The following TMEM63A variants were observed in gnomAD, a reference collection of about 807,000 sequenced individuals.
TMEM63A encodes the protein transmembrane protein 63A, also known as mechanosensitive cation channel TMEM63A.
In TMEM63A, 76 loss-of-function variants were observed where a neutral mutation model predicts 100.6. The observed-to-expected ratio is 0.76, with a 90% CI of 0.63 to 0.91. The LOEUF (loss-of-function observed/expected upper bound fraction) is 0.91. Ranked by LOEUF, TMEM63A falls within the 40% of genes least tolerant of loss-of-function variation. The pLI is 0.00. For missense variants in TMEM63A, 876 were observed against 1,008.8 expected, an observed-to-expected ratio of 0.87 and a Z score of 1.78; for synonymous variants, 401 against 401.1, an observed-to-expected ratio of 1.00 and a Z score of 0.00.
In TMEM63A at chr1:225,867,772, C is replaced by T; in HGVS notation, c.514+116G>A. On this transcript the variant is annotated intron_variant, in intron 7 of 24. Coordinates refer to ENST00000366835, the MANE Select transcript of TMEM63A (RefSeq NM_014698.3). This position sits in a 1 kb window ranked among gnomAD's most constrained non-coding sequence, Gnocchi z 4.6. ...ATGTTCAGAGTCACCCTGAGACCAT[C>T]TTACATCTGAAGTGGGGCATGACTC... 3.7e-6 allele frequency: 5 copies of T among 1,366,216 alleles called. No individual in the cohort carries two copies. The South Asian group carries it at 5.6e-5, about 15-fold the overall frequency. The allele number at this position is 1,366,216 out of a possible 1,614,324, so 84.6% of individuals were successfully genotyped here. A position where few individuals can be genotyped will look rare whatever the true frequency, so the allele number is the denominator to read the frequency against.
intron 4 of TMEM63A, among the ~76,000 whole-genome samples, chr1:225,872,779 C>G (rs1670582791): frequency 6.8e-6 from 1 of 146,338 alleles, no homozygotes; most frequent in African/African-American, 2.5e-5. Flanking sequence ...ACTGCAAGCT[C>G]TGCCACCCGG....
chr1:225,860,579 C>CT lies in TMEM63A; in HGVS notation c.1223+280dup, dbSNP rs1669887357. 2.6e-5 allele frequency: 8 copies of CT among 305,856 alleles called. No homozygotes were observed. In the South Asian group the frequency reaches 1.1e-3, roughly 41 times the overall value. 18.9% of individuals were successfully genotyped at this position (305,856 alleles called of 1,614,324 possible). A position where few individuals can be genotyped will look rare whatever the true frequency, so the allele number is the denominator to read the frequency against. On this transcript the variant is annotated intron_variant, in intron 14 of 24. Transcript: ENST00000366835. ...AATTAATTTCAACTGTTTCTTTTTACTTTTTTAGCATGGCTATTAGGAAAT... is the reference window on the plus strand; with the variant it reads ...AATTAATTTCAACTGTTTCTTTTTACTTTTTTTAGCATGGCTATTAGGAAAT...
downstream of TMEM63A, chr1:225,845,307 A>G: frequency 6.2e-7 from 1 of 1,612,316 alleles, no homozygotes; most frequent in Middle Eastern, 2.1e-4. Flanking sequence ...CTGCTCGCCC[A>G]GGACATCCGC....
intron 20 of TMEM63A, 62 bp from the exon 21 acceptor site, chr1:225,850,141 T>G: frequency 1.3e-6 from 2 of 1,570,962 alleles, no homozygotes; most frequent in Non-Finnish European, 1.7e-6. Flanking sequence ...CTCTGTCCTC[T>G]TCCTCTCCGG....
In TMEM63A at chr1:225,862,080, G is replaced by C; in HGVS notation, c.1085+138C>G. On this transcript the variant is annotated intron_variant, in intron 13 of 24. Transcript: ENST00000366835. This position sits in a 1 kb window ranked among gnomAD's most constrained non-coding sequence, Gnocchi z 5.1. ...GCTGAAAGTGAGTGTGGGTAGCTGAGGGAGGAGAAGGAAACACCACAGATA... is the reference window on the plus strand; with the variant it reads ...GCTGAAAGTGAGTGTGGGTAGCTGACGGAGGAGAAGGAAACACCACAGATA... The C allele has an allele frequency of 7.6e-7, 1 of 1,313,392 alleles. No homozygotes were observed. Among genetic ancestry groups the C allele is most frequent in the Non-Finnish European group, 1.0e-6 (1 of 966,568 alleles). The allele number at this position is 1,313,392 out of a possible 1,614,324, so 81.4% of individuals were successfully genotyped here.
At chr1:225,879,804 C>T (rs944105314) in intron 1 of TMEM63A, among the ~76,000 whole-genome samples, 2 of 152,214 alleles carry the variant, frequency 1.3e-5, no homozygotes, top group Non-Finnish European at 2.9e-5. Context: ...ACTGGGGAGG[C>T]TCCCCAGGGT....
chr1:225,874,486 C>A (rs1364715999), intron 3 of TMEM63A, 119 bp from the exon 4 acceptor site: 2 of 825,952 alleles, frequency 2.4e-6, no homozygotes, highest in Non-Finnish European at 3.8e-6. Flanking sequence ...GGAAAACACC[C>A]AGGCCCAGAG....
At chr1:225,845,400 T>TTTC (rs1668888003), downstream of TMEM63A, 43 of 1,475,790 alleles carry the variant, frequency 2.9e-5, no homozygotes, top group South Asian at 5.0e-4. Flanking sequence ...CCTCCAGGCT[T>TTTC]TTCTTGGGGA....
rs770588700 is a variant in TMEM63A at position 225,867,856 on chromosome 1, A to G, written c.514+32T>C. The G allele has an allele frequency of 6.2e-7, 1 of 1,613,570 alleles. No homozygotes were observed. Among genetic ancestry groups the G allele is most frequent in the Non-Finnish European group, 8.5e-7 (1 of 1,179,692 alleles). ...CCTAGGACTGCCACTCTGCCCCATT[A>G]CAACATAGACAAGGGTGAGGAGGGT... On this transcript the variant is annotated intron_variant, in intron 7 of 24. Transcript: ENST00000366835. The surrounding 1 kb of genome is among the most constrained non-coding windows in gnomAD (Gnocchi z 4.6).
intron 6 of TMEM63A, among the ~76,000 whole-genome samples, chr1:225,869,963 A>G (rs1670420205): frequency 6.6e-6 from 1 of 151,872 alleles, no homozygotes; most frequent in Admixed American, 6.6e-5. Flanking sequence ...AGCCGGCCAT[A>G]TTTCAACTCC....
At position 225,853,195 on chromosome 1, in the gene TMEM63A, C is replaced by G. The variant is rs1283429006; in HGVS notation, c.1798-426G>C. Among the ~76,000 whole-genome samples the G allele has an allele frequency of 6.6e-6, 1 of 152,204 alleles. No individual in the cohort carries two copies. Among genetic ancestry groups the G allele is most frequent in the South Asian group, 2.1e-4 (1 of 4,832 alleles). On this transcript the variant is annotated intron_variant, in intron 19 of 24. Coordinates refer to ENST00000366835, the MANE Select transcript of TMEM63A (RefSeq NM_014698.3). This position sits in a 1 kb window ranked among gnomAD's most constrained non-coding sequence, Gnocchi z 4.0. ...AATGCAGCACTTCTCCCACTTTCCT[C>G]GCACAGTGCCCACCATGGCAGAGGA... is the stretch of plus-strand genomic sequence containing the variant.
chr1:225,852,096 A>C (rs1576071320), intron 20 of TMEM63A, among the ~76,000 whole-genome samples: 1 of 152,266 alleles, frequency 6.6e-6, no homozygotes, highest in Non-Finnish European at 1.5e-5. Context: ...CTGCTAAAGA[A>C]ATCAACCATG....
In TMEM63A at chr1:225,856,958, G is replaced by C. The variant is rs377208935; in HGVS notation, c.1437C>G (p.Leu479=). 1.2e-6 allele frequency: 2 copies of C among 1,602,436 alleles called. No individual in the cohort carries two copies. Among genetic ancestry groups the C allele is most frequent in the Non-Finnish European group, 1.7e-6 (2 of 1,176,966 alleles). Residue 479 remains leucine (L), a synonymous_variant, in exon 16 of 25, where the codon CTC becomes CTG. Transcript: ENST00000366835. ...TLLLWSFSAL[L]PSIVYYSTLL... is the part of the protein sequence containing the mutation. Reference sequence around the variant, plus strand: ...GTGTAGAGTAGTAGACAATGGAGGGGAGCAGGGCCGAGAAGGACCAGAGCA... The same window carrying C: ...GTGTAGAGTAGTAGACAATGGAGGGCAGCAGGGCCGAGAAGGACCAGAGCA...
intron 22 of TMEM63A, 112 bp from the exon 23 acceptor site, chr1:225,848,666 A>G (rs1669154138): frequency 8.3e-7 from 1 of 1,199,574 alleles, no homozygotes; most frequent in Non-Finnish European, 1.2e-6. Flanking sequence ...AGCTGGCACC[A>G]AGCTCCCCAG....
intron 15 of TMEM63A, among the ~76,000 whole-genome samples, chr1:225,858,749 T>C (rs1413928068): frequency 2.0e-5 from 3 of 152,150 alleles, no homozygotes; most frequent in Non-Finnish European, 2.9e-5. Flanking sequence ...GTGTCCATGA[T>C]AGACATGCCT....
chr1:225,861,784 G>A (rs1344857951), intron 13 of TMEM63A: 1 of 198,580 alleles, frequency 5.0e-6, no homozygotes, highest in African/African-American at 2.3e-5. Flanking sequence ...GCGTGCCCCA[G>A]GGGTCTTCCC....
intron 20 of TMEM63A, 129 bp from the exon 21 acceptor site, chr1:225,850,208 A>C (rs373065087): frequency 8.7e-6 from 9 of 1,031,384 alleles, no homozygotes; most frequent in East Asian, 2.5e-5. Context: ...GCCTGAACAC[A>C]AAATGAGGCA....
At chr1:225,855,844 C>A in intron 18 of TMEM63A, 34 bp downstream of exon 18, 1 of 1,610,938 alleles carries the variant, frequency 6.2e-7, no homozygotes, top group Non-Finnish European at 8.5e-7. Context: ...TCACCCAGGG[C>A]CATGGCTCCA....
At chr1:225,844,283 G>C (rs1015094184), downstream of TMEM63A, among the ~76,000 whole-genome samples, 12 of 151,552 alleles carry the variant, frequency 7.9e-5, no homozygotes, top group Non-Finnish European at 1.5e-4. Context: ...GGAGGACCTT[G>C]GGGTGATAAG....
Sources: allele counts gnomAD v4.1 joint callset (sites outside exome capture counted in the v4.1 genomes callset), GRCh38; gene constraint gnomAD v4.1.1; non-coding constraint Gnocchi (gnomAD v3.1); transcripts MANE v1.5; gene names NCBI Gene and HGNC (gene_info 2026-07-23, HGNC 2026-07-21).